The following PHACTR1 variants were observed in gnomAD, a reference collection of about 807,000 sequenced individuals.
PHACTR1 encodes phosphatase and actin regulator 1, also known as RPEL repeat containing 1.
A neutral mutation model predicts 69.2 loss-of-function variants in PHACTR1; 16 were observed. The observed-to-expected ratio is 0.23, with a 90% CI of 0.16 to 0.35. The LOEUF (loss-of-function observed/expected upper bound fraction) is 0.35. Ranked by LOEUF, PHACTR1 falls within the 10% of genes least tolerant of loss-of-function variation. The probability of loss-of-function intolerance (pLI) is 1.00; values close to 1 mark genes in which losing one functional copy is unlikely to be tolerated. For synonymous variants in PHACTR1, 312 were observed against 284.5 expected, an observed-to-expected ratio of 1.10 and a Z score of -0.97; for missense variants, 510 against 734.7, an observed-to-expected ratio of 0.69 and a Z score of 3.54.
intron 4 of PHACTR1, among the ~76,000 whole-genome samples, chr6:12,800,970 C>T (rs932353101): frequency 1.3e-5 from 2 of 151,860 alleles, no homozygotes; most frequent in Admixed American, 6.6e-5. Context: ...TATGCCAATA[C>T]ATTTTTGAGT....
intron 4 of PHACTR1, among the ~76,000 whole-genome samples, chr6:12,770,102 C>T (rs780431886): frequency 1.3e-5 from 2 of 152,184 alleles, no homozygotes; most frequent in Non-Finnish European, 2.9e-5. Flanking sequence ...GACTTCGGGT[C>T]CTCTTGCCCT....
chr6:13,280,953 C>T (rs1297091747), intron 12 of PHACTR1: 4 of 1,288,646 alleles, frequency 3.1e-6, no homozygotes, highest in African/African-American at 1.5e-5. Context: ...GTCCTGGTGG[C>T]CGTTTGTTAG....
intron 4 of PHACTR1, among the ~76,000 whole-genome samples, chr6:12,803,720 TA>T (rs761439862): frequency 2.0e-5 from 3 of 152,178 alleles, no homozygotes; most frequent in Admixed American, 6.5e-5. Flanking sequence ...GCGGGATAAT[TA>T]TTTGGTGAAG....
Position 13,231,235 on chromosome 6 carries a change from A to C in PHACTR1, c.1391+1042A>C, listed in dbSNP as rs562533923. The stretch of plus-strand genomic sequence containing the variant: ...GAAGGGAAAAGAAAGAAGGAAAGAG[A>C]GAAAGAAAGAAGGAAAGAGAAAGAA... On this transcript the variant is annotated intron_variant, in intron 10 of 14. Coordinates refer to ENST00000332995, the MANE Select transcript of PHACTR1 (RefSeq NM_030948.6). 5.1e-4 allele frequency among the ~76,000 whole-genome samples: 72 copies of C among 142,282 alleles called. 1 individual carries two copies. The highest frequency in any genetic ancestry group is 4.3e-4 in the Non-Finnish European group (28 of 65,580). 93.3% of individuals were successfully genotyped at this position (142,282 alleles called of 152,430 possible). A position where few individuals can be genotyped will look rare whatever the true frequency, so the allele number is the denominator to read the frequency against.
chr6:13,211,285 CT>C (rs1222747090), intron 8 of PHACTR1, among the ~76,000 whole-genome samples: 8 of 152,184 alleles, frequency 5.3e-5, no homozygotes, highest in African/African-American at 1.9e-4. Context: ...ACCCCTCCCC[CT>C]GAGTCCCCAA....
intron 5 of PHACTR1, among the ~76,000 whole-genome samples, chr6:13,113,956 T>C (rs1233448117): frequency 6.6e-6 from 1 of 152,136 alleles, no homozygotes; most frequent in Non-Finnish European, 1.5e-5. Context: ...AATAAAACTA[T>C]ATTAATTTTA....
At chr6:12,995,251 A>T (rs919887972) in intron 4 of PHACTR1, among the ~76,000 whole-genome samples, 3 of 151,956 alleles carry the variant, frequency 2.0e-5, no homozygotes, top group Admixed American at 6.6e-5. Flanking sequence ...ATTAAAAAAA[A>T]AAAACAGAAA....
At chr6:12,919,616 T>G (rs1422830790) in intron 4 of PHACTR1, among the ~76,000 whole-genome samples, 1 of 152,252 alleles carries the variant, frequency 6.6e-6, no homozygotes, top group African/African-American at 2.4e-5. Flanking sequence ...TGCAAAAGGT[T>G]CTGGAGAGTT....
chr6:12,921,116 T>G (rs1482020047), intron 4 of PHACTR1, among the ~76,000 whole-genome samples: 1 of 152,210 alleles, frequency 6.6e-6, no homozygotes, highest in Non-Finnish European at 1.5e-5. Flanking sequence ...ATTGGTGCAG[T>G]GCACCTGGGA....
At chr6:12,988,002 TG>T (rs1212200264) in intron 4 of PHACTR1, among the ~76,000 whole-genome samples, 1 of 152,166 alleles carries the variant, frequency 6.6e-6, no homozygotes, top group African/African-American at 2.4e-5. Context: ...TGGCAGCCAC[TG>T]GTGCACATTT....
At chr6:13,266,123 T>C (rs182040009) in intron 10 of PHACTR1, among the ~76,000 whole-genome samples, 10 of 152,220 alleles carry the variant, frequency 6.6e-5, no homozygotes, top group South Asian at 4.2e-4. Flanking sequence ...TGTGCCTGCC[T>C]CAGTGAACAG....
At chr6:13,258,654 A>G (rs541622405) in intron 10 of PHACTR1, among the ~76,000 whole-genome samples, 69 of 152,346 alleles carry the variant, frequency 4.5e-4, no homozygotes, top group African/African-American at 1.7e-3. Flanking sequence ...CCTCAATCTC[A>G]GTCTTTTCCT....
intron 4 of PHACTR1, among the ~76,000 whole-genome samples, chr6:12,814,801 A>T (rs1310304382): frequency 6.6e-6 from 1 of 152,220 alleles, no homozygotes; most frequent in Non-Finnish European, 1.5e-5. Context: ...ATGGACATTA[A>T]TCCCCCACCA....
chr6:12,813,804 A>C (rs1006734780), intron 4 of PHACTR1, among the ~76,000 whole-genome samples: 8 of 152,204 alleles, frequency 5.3e-5, no homozygotes, highest in Non-Finnish European at 1.0e-4. Context: ...GAAGAAGAAA[A>C]TTATCAGAGC....
intron 5 of PHACTR1, among the ~76,000 whole-genome samples, chr6:13,096,742 T>G (rs551664707): frequency 3.3e-4 from 50 of 152,334 alleles, no homozygotes; most frequent in African/African-American, 1.1e-3. Flanking sequence ...ATTTATTTAT[T>G]AAGCATAGCT....
intron 5 of PHACTR1, among the ~76,000 whole-genome samples, chr6:13,141,247 G>A (rs543871469): frequency 6.6e-6 from 1 of 152,266 alleles, no homozygotes; most frequent in Non-Finnish European, 1.5e-5. Context: ...ATTCTAAATT[G>A]CTGCCTTGGC....
intron 4 of PHACTR1, among the ~76,000 whole-genome samples, chr6:13,014,081 A>T (rs187842225): frequency 2.0e-5 from 3 of 152,218 alleles, no homozygotes; most frequent in African/African-American, 7.2e-5. Context: ...ACTGTCAACT[A>T]GGCAAGGAGA....
At chr6:13,285,773 CTG>C (rs1172280820) in intron 13 of PHACTR1, among the ~76,000 whole-genome samples, 1 of 152,202 alleles carries the variant, frequency 6.6e-6, no homozygotes, top group Non-Finnish European at 1.5e-5. Flanking sequence ...CGAGGCATCA[CTG>C]TGCCTGTGCT....
chr6:13,063,779 GA>G (rs201447462), intron 5 of PHACTR1, among the ~76,000 whole-genome samples: 2,091 of 139,412 alleles, frequency 0.015, 41 homozygotes, highest in African/African-American at 0.046. Context: ...GACCCTGTCT[GA>G]AAAAAAAAAA....
Sources: allele counts gnomAD v4.1 joint callset (sites outside exome capture counted in the v4.1 genomes callset), GRCh38; gene constraint gnomAD v4.1.1; transcripts MANE v1.5; gene names NCBI Gene and HGNC (gene_info 2026-07-23, HGNC 2026-07-21).